CTNNA3: variants seen among roughly 807,000 people sequenced by gnomAD.
The protein encoded by CTNNA3 is catenin alpha 3.
CTNNA3 carries 76 observed loss-of-function variants against 95.7 expected under a neutral mutation model. The observed-to-expected ratio is 0.79, with a 90% CI of 0.66 to 0.96. The LOEUF is 0.96. CTNNA3 is among the 40% of genes least tolerant of loss of function. The pLI, the probability that CTNNA3 is intolerant of heterozygous loss-of-function variation, is 0.00. For synonymous variants in CTNNA3, 431 were observed against 374.4 expected (o/e 1.15, Z -1.74); for missense variants, 1,191 against 1,089.8 (o/e 1.09, Z -1.31).
chr10:67,105,950 A>C (rs560607286), intron 7 of CTNNA3, among the ~76,000 whole-genome samples: 21 of 152,198 alleles, frequency 1.4e-4, no homozygotes, highest in African/African-American at 4.8e-4. Flanking sequence ...AGTGTATTGG[A>C]CATCCTTCAA....
intron 5 of CTNNA3, among the ~76,000 whole-genome samples, chr10:67,507,980 AT>A (rs1198812383): frequency 1.3e-5 from 2 of 152,184 alleles, no homozygotes; most frequent in Non-Finnish European, 2.9e-5. Flanking sequence ...CTCTCAACAA[AT>A]TAGATATAGA....
At chr10:67,478,052 A>G (rs566090925) in intron 5 of CTNNA3, among the ~76,000 whole-genome samples, 19 of 152,348 alleles carry the variant, frequency 1.2e-4, no homozygotes, top group African/African-American at 4.1e-4. Context: ...TGAAAGCTTT[A>G]TCAATTGCCA....
chr10:66,422,271 A>G (rs1004782243), intron 11 of CTNNA3, among the ~76,000 whole-genome samples: 3 of 152,172 alleles, frequency 2.0e-5, no homozygotes, highest in African/African-American at 7.2e-5. Context: ...ATTTGAAAAT[A>G]TATATTAATA....
At chr10:67,469,720 G>A (rs904632497) in intron 5 of CTNNA3, among the ~76,000 whole-genome samples, 3 of 151,776 alleles carry the variant, frequency 2.0e-5, no homozygotes, top group Non-Finnish European at 4.4e-5. Flanking sequence ...TAATAAACCT[G>A]CACATTCTGC....
intron 7 of CTNNA3, among the ~76,000 whole-genome samples, chr10:66,783,063 G>C (rs1320793491): frequency 6.6e-6 from 1 of 152,090 alleles, no homozygotes; most frequent in Non-Finnish European, 1.5e-5. Flanking sequence ...TGGCATTAGA[G>C]TTCTCTGTTG....
intron 7 of CTNNA3, among the ~76,000 whole-genome samples, chr10:67,160,544 C>A (rs1233063145): frequency 6.6e-6 from 1 of 151,036 alleles, no homozygotes; most frequent in Admixed American, 6.6e-5. Context: ...CTCAAACAAT[C>A]CTCCCACCTC....
intron 8 of CTNNA3, 139 bp from the exon 9 acceptor site, chr10:66,766,555 C>A (rs1839866811): frequency 6.1e-6 from 4 of 658,992 alleles, no homozygotes; most frequent in East Asian, 2.8e-5. Context: ...TAAAGATATA[C>A]AAGAATGTCC....
intron 10 of CTNNA3, among the ~76,000 whole-genome samples, chr10:66,521,655 A>G (rs777470454): frequency 6.6e-6 from 1 of 152,182 alleles, no homozygotes; most frequent in African/African-American, 2.4e-5. Flanking sequence ...CAAAGTAAGC[A>G]GATGTTATCA....
intron 5 of CTNNA3, among the ~76,000 whole-genome samples, chr10:67,453,676 A>G (rs1201896721): frequency 6.6e-6 from 1 of 152,228 alleles, no homozygotes; most frequent in African/African-American, 2.4e-5. Context: ...TAAATGCAGA[A>G]CAGTCTGTTA....
intron 11 of CTNNA3, among the ~76,000 whole-genome samples, chr10:66,387,861 C>T (rs142378989): frequency 0.044 from 6,634 of 152,048 alleles, 335 homozygotes; most frequent in East Asian, 0.23. Flanking sequence ...AACCAAACAC[C>T]GCATATTCTC....
At chr10:66,572,381 T>TAA (rs5785764) in intron 10 of CTNNA3, among the ~76,000 whole-genome samples, 1 of 146,238 alleles carries the variant, frequency 6.8e-6, no homozygotes, top group East Asian at 2.0e-4. Context: ...GACTCTGTCT[T>TAA]AAAAAAAAAA....
chr10:65,980,088 C>T (rs566840631), intron 16 of CTNNA3, among the ~76,000 whole-genome samples: 15 of 151,736 alleles, frequency 9.9e-5, no homozygotes, highest in South Asian at 2.1e-4. Flanking sequence ...GTGAGATTAA[C>T]GAAGAAAAGA....
intron 3 of CTNNA3, among the ~76,000 whole-genome samples, chr10:67,544,057 A>G (rs901681126): frequency 1.3e-5 from 2 of 152,174 alleles, no homozygotes; most frequent in African/African-American, 4.8e-5. Flanking sequence ...AGGGCAGCAA[A>G]GCTAGCCACT....
At chr10:66,565,031 C>T (rs1842664113) in intron 10 of CTNNA3, among the ~76,000 whole-genome samples, 1 of 152,204 alleles carries the variant, frequency 6.6e-6, no homozygotes, top group African/African-American at 2.4e-5. Context: ...ACCTTCCTTC[C>T]CTTTGGGAAA....
chr10:67,481,478 C>A (rs1050042195), intron 5 of CTNNA3, among the ~76,000 whole-genome samples: 1 of 152,068 alleles, frequency 6.6e-6, no homozygotes, highest in Non-Finnish European at 1.5e-5. Context: ...GTTCTATATA[C>A]CAATAATGTT....
chr10:66,429,440 A>C (rs1283639853), intron 11 of CTNNA3, among the ~76,000 whole-genome samples: 2 of 152,010 alleles, frequency 1.3e-5, no homozygotes, highest in Admixed American at 6.6e-5. Context: ...GCTGGCAGAG[A>C]CACAAGCAAA....
At chr10:67,075,817 T>C (rs1448422699) in intron 7 of CTNNA3, among the ~76,000 whole-genome samples, 1 of 152,242 alleles carries the variant, frequency 6.6e-6, no homozygotes, top group Non-Finnish European at 1.5e-5. Context: ...TTAAAATGCA[T>C]GATAAGCAAC....
chr10:66,243,631 T>C (rs570223244), intron 13 of CTNNA3, among the ~76,000 whole-genome samples: 1 of 152,328 alleles, frequency 6.6e-6, no homozygotes, highest in Admixed American at 6.5e-5. Flanking sequence ...CATGTATTGA[T>C]TGATGTTTTA....
intron 7 of CTNNA3, among the ~76,000 whole-genome samples, chr10:67,113,000 T>C (rs1015189375): frequency 1.3e-5 from 2 of 152,288 alleles, no homozygotes; most frequent in African/African-American, 2.4e-5. Flanking sequence ...CTGTCTTCTC[T>C]ATACCTTTGC....
Sources: allele counts gnomAD v4.1 joint callset (sites outside exome capture counted in the v4.1 genomes callset), GRCh38; gene constraint gnomAD v4.1.1; transcripts MANE v1.5; gene names NCBI Gene and HGNC (gene_info 2026-07-23, HGNC 2026-07-21).